Variants in SDK1 observed in about 807,000 individuals in gnomAD.
SDK1 encodes sidekick cell adhesion molecule 1, also known as protein sidekick-1.
In SDK1, 157 loss-of-function variants were observed where a neutral mutation model predicts 245.5. The ratio of observed to expected loss-of-function variants is 0.64; its 90% CI spans 0.56 to 0.73. The LOEUF is 0.73. SDK1 is among the 30% of genes least tolerant of loss of function. SDK1 has a pLI of 0.00. For missense variants in SDK1, 3,583 were observed against 3,002.3 expected (o/e 1.19, Z -4.52); for synonymous variants, 1,647 against 1,278.5 (o/e 1.29, Z -6.15).
chr7:3,372,187 G>A (rs145211385), intron 1 of SDK1, among the ~76,000 whole-genome samples: 2 of 152,082 alleles, frequency 1.3e-5, no homozygotes, highest in African/African-American at 4.8e-5. Context: ...TGACTTTGAA[G>A]GGAGAGAGTC....
chr7:3,504,017 G>A lies in SDK1; in HGVS notation c.299-115063G>A, dbSNP rs542805391. Among the ~76,000 whole-genome samples the A allele has an allele frequency of 1.8e-4, 28 of 152,014 alleles. No homozygotes were observed. In the South Asian group the frequency reaches 5.2e-3, roughly 28 times the overall value. ...ATACAAAAATTAGCCGGGCATGGTGGCACGTGCCTGTAGTCTCAGCTACTC... is the reference window on the plus strand; with the variant it reads ...ATACAAAAATTAGCCGGGCATGGTGACACGTGCCTGTAGTCTCAGCTACTC... On this transcript the variant is annotated intron_variant, in intron 1 of 44. Coordinates refer to ENST00000404826, the MANE Select transcript of SDK1 (RefSeq NM_152744.4).
chr7:3,359,808 G>A (rs531939663), intron 1 of SDK1, among the ~76,000 whole-genome samples: 1 of 152,274 alleles, frequency 6.6e-6, no homozygotes, highest in African/African-American at 2.4e-5. Context: ...GCATTCTGGA[G>A]AAAGGAATAA....
intron 1 of SDK1, among the ~76,000 whole-genome samples, chr7:3,594,203 C>A (rs1026980891): frequency 1.3e-5 from 2 of 152,194 alleles, no homozygotes; most frequent in Non-Finnish European, 2.9e-5. Context: ...TGTAATCATA[C>A]ATAGACGGTT....
intron 38 of SDK1, among the ~76,000 whole-genome samples, chr7:4,215,995 G>C (rs4723488): frequency 1.3e-5 from 2 of 151,732 alleles, no homozygotes; most frequent in African/African-American, 4.9e-5. Flanking sequence ...TCCCATCCCC[G>C]TTCCTGCATT....
chr7:4,206,975 G>A (rs991976359), intron 36 of SDK1, among the ~76,000 whole-genome samples: 2 of 152,314 alleles, frequency 1.3e-5, no homozygotes, highest in East Asian at 1.9e-4. Flanking sequence ...GAGGCATGGC[G>A]CTATTTATGT....
intron 13 of SDK1, 88 bp downstream of exon 13, chr7:3,974,633 C>A: frequency 7.7e-7 from 1 of 1,305,780 alleles, no homozygotes; most frequent in South Asian, 1.4e-5. Flanking sequence ...ACAAGTGTCA[C>A]GCCCGGCTTG....
intron 22 of SDK1, among the ~76,000 whole-genome samples, chr7:4,090,649 C>T (rs1781729722): frequency 6.6e-6 from 1 of 152,146 alleles, no homozygotes; most frequent in Non-Finnish European, 1.5e-5. Flanking sequence ...TCATCTTGTT[C>T]TTTCTCTCTT....
chr7:4,181,454 G>A (rs1782599022), intron 35 of SDK1, among the ~76,000 whole-genome samples: 1 of 152,196 alleles, frequency 6.6e-6, no homozygotes, highest in Admixed American at 6.5e-5. Context: ...GCCCAGGTGT[G>A]GGGAGGCAGT....
chr7:3,727,692 T>C (rs1043348823), intron 4 of SDK1, among the ~76,000 whole-genome samples: 2 of 152,216 alleles, frequency 1.3e-5, no homozygotes, highest in South Asian at 4.1e-4. Context: ...GGTTTCACCA[T>C]GTTGGCCGGG....
intron 4 of SDK1, among the ~76,000 whole-genome samples, chr7:3,805,513 C>G (rs1418475814): frequency 2.6e-5 from 4 of 152,130 alleles, no homozygotes; most frequent in African/African-American, 7.2e-5. Flanking sequence ...TCTGCCCTGA[C>G]CTATAATTAA....
chr7:4,145,225 G>A (rs933649110), intron 28 of SDK1, among the ~76,000 whole-genome samples: 4 of 152,188 alleles, frequency 2.6e-5, no homozygotes, highest in African/African-American at 9.6e-5. Flanking sequence ...GAGCTGGGGG[G>A]TCAGAGGTGC....
intron 4 of SDK1, among the ~76,000 whole-genome samples, chr7:3,782,489 A>G (rs1780776473): frequency 1.3e-5 from 2 of 152,264 alleles, no homozygotes; most frequent in Admixed American, 6.5e-5. Flanking sequence ...ATCAAATTCA[A>G]CCCATAGAAG....
At chr7:3,795,354 C>G (rs964140611) in intron 4 of SDK1, among the ~76,000 whole-genome samples, 1 of 152,048 alleles carries the variant, frequency 6.6e-6, no homozygotes, top group Admixed American at 6.5e-5. Flanking sequence ...TTTCAGTACA[C>G]CCTGGCACCT....
intron 5 of SDK1, among the ~76,000 whole-genome samples, chr7:3,915,753 G>T (rs1779353016): frequency 6.6e-6 from 1 of 152,152 alleles, no homozygotes; most frequent in Admixed American, 6.5e-5. Flanking sequence ...GTACCCTTGA[G>T]AGCTTAGTAC....
chr7:3,983,936 C>A (rs571171523), intron 13 of SDK1, among the ~76,000 whole-genome samples: 16 of 152,324 alleles, frequency 1.1e-4, no homozygotes, highest in South Asian at 2.1e-4. Flanking sequence ...GCACTCAGGT[C>A]CTCGGGCACT....
chr7:3,436,466 A>G (rs1326631350), intron 1 of SDK1, among the ~76,000 whole-genome samples: 1 of 152,154 alleles, frequency 6.6e-6, no homozygotes, highest in Non-Finnish European at 1.5e-5. Context: ...ATTCTAATCT[A>G]ATGATGATTT....
chr7:3,890,991 A>C (rs898118830), intron 5 of SDK1, among the ~76,000 whole-genome samples: 6 of 152,208 alleles, frequency 3.9e-5, no homozygotes, highest in African/African-American at 1.4e-4. Flanking sequence ...ACTGGGCCCA[A>C]CCAGGCCAGC....
At chr7:3,318,617 TC>T (rs1212262646) in intron 1 of SDK1, among the ~76,000 whole-genome samples, 7 of 152,210 alleles carry the variant, frequency 4.6e-5, no homozygotes, top group African/African-American at 7.2e-5. Flanking sequence ...GTCCTTTTCT[TC>T]CAATTCCATA....
chr7:3,580,065 C>T (rs578092142), intron 1 of SDK1, among the ~76,000 whole-genome samples: 1 of 152,100 alleles, frequency 6.6e-6, no homozygotes, highest in African/African-American at 2.4e-5. Flanking sequence ...TAATGTAATA[C>T]CTAGAAGTAC....
Sources: allele counts gnomAD v4.1 joint callset (sites outside exome capture counted in the v4.1 genomes callset), GRCh38; gene constraint gnomAD v4.1.1; transcripts MANE v1.5; gene names NCBI Gene and HGNC (gene_info 2026-07-23, HGNC 2026-07-21).